ITGB3BP: variants seen among roughly 807,000 people sequenced by gnomAD.
The protein encoded by ITGB3BP is centromere protein R.
In ITGB3BP, 27 loss-of-function variants were observed where a neutral mutation model predicts 29.1. The ratio of observed to expected loss-of-function variants is 0.93; its 90% confidence interval spans 0.68 to 1.28. The LOEUF (loss-of-function observed/expected upper bound fraction) is 1.28, where lower values mean the gene tolerates loss of function less well. Ranked by LOEUF, ITGB3BP falls within the 50% of genes most tolerant of loss-of-function variation. ITGB3BP has a pLI of 0.00. For missense variants in ITGB3BP, 192 were observed against 200.2 expected (o/e 0.96, Z 0.25); for synonymous variants, 61 against 61.4 (o/e 0.99, Z 0.03).
intron 7 of ITGB3BP, chr1:63,447,866 A>G (rs1270651004): frequency 3.4e-6 from 1 of 292,420 alleles, no homozygotes; most frequent in African/African-American, 2.2e-5. Flanking sequence ...GCTGCTATAA[A>G]GACACATGCA....
intron 1 of ITGB3BP, among the ~76,000 whole-genome samples, chr1:63,512,581 G>A (rs1226803460): frequency 2.0e-5 from 3 of 152,090 alleles, no homozygotes. Flanking sequence ...ACTTAGTAAA[G>A]CAGTTAAGAC....
intron 1 of ITGB3BP, among the ~76,000 whole-genome samples, chr1:63,519,462 C>T (rs1353467101): frequency 1.3e-5 from 2 of 152,034 alleles, no homozygotes; most frequent in African/African-American, 2.4e-5. Flanking sequence ...AGAGCCACCA[C>T]GCTCAGCCAA....
chr1:63,491,291 C>T (rs796993370), intron 2 of ITGB3BP, among the ~76,000 whole-genome samples: 11 of 152,250 alleles, frequency 7.2e-5, no homozygotes, highest in African/African-American at 2.6e-4. Flanking sequence ...AGAAATATAA[C>T]AAATTGCTCT....
chr1:63,511,379 A>G (rs1460528414), intron 1 of ITGB3BP, among the ~76,000 whole-genome samples: 1 of 152,202 alleles, frequency 6.6e-6, no homozygotes. Flanking sequence ...TATGGAAAAC[A>G]GTATGGCAGT....
intron 3 of ITGB3BP, among the ~76,000 whole-genome samples, chr1:63,484,957 A>G (rs551826349): frequency 6.6e-6 from 1 of 152,114 alleles, no homozygotes; most frequent in Admixed American, 6.5e-5. Flanking sequence ...TCTCTTATGT[A>G]AAGAGCCTCA....
At chr1:63,495,232 T>C (rs1645758186) in intron 2 of ITGB3BP, among the ~76,000 whole-genome samples, 1 of 152,230 alleles carries the variant, frequency 6.6e-6, no homozygotes, top group Admixed American at 6.5e-5. Context: ...TCTAGATGGT[T>C]ACCATTTATT....
upstream of ITGB3BP, chr1:63,523,374 A>G (rs913050554): frequency 3.4e-6 from 2 of 590,668 alleles, no homozygotes; most frequent in Non-Finnish European, 6.0e-6. Flanking sequence ...GGTGTAACAG[A>G]GCACCTTCTC....
intron 2 of ITGB3BP, among the ~76,000 whole-genome samples, chr1:63,499,340 G>A (rs1186793361): frequency 6.6e-6 from 1 of 151,808 alleles, no homozygotes; most frequent in African/African-American, 2.4e-5. Context: ...AGTAGAGAAG[G>A]GGGTTTCTCC....
chr1:63,452,719 TTA>T (rs1644879564), intron 7 of ITGB3BP, among the ~76,000 whole-genome samples: 1 of 152,082 alleles, frequency 6.6e-6, no homozygotes, highest in Non-Finnish European at 1.5e-5. Context: ...ACAGTAGACG[TTA>T]GTTGTTCAAC....
chr1:63,449,220 A>G (rs1644829752), intron 7 of ITGB3BP: 1 of 152,546 alleles, frequency 6.6e-6, no homozygotes, highest in African/African-American at 2.4e-5. Flanking sequence ...AGAGAAAACC[A>G]GTCAGAATTA....
At chr1:63,502,135 C>A (rs797020861) in intron 2 of ITGB3BP, among the ~76,000 whole-genome samples, 1 of 152,104 alleles carries the variant, frequency 6.6e-6, no homozygotes, top group Non-Finnish European at 1.5e-5. Context: ...GGACTGCCAT[C>A]GGCAACAGTT....
At chr1:63,467,826 C>T (rs1281154153) in intron 4 of ITGB3BP, among the ~76,000 whole-genome samples, 1 of 152,166 alleles carries the variant, frequency 6.6e-6, no homozygotes, top group Non-Finnish European at 1.5e-5. Context: ...TTACCCAACC[C>T]AAATGTCAAC....
At chr1:63,519,995 A>C (rs1465169107) in intron 1 of ITGB3BP, among the ~76,000 whole-genome samples, 2 of 152,128 alleles carry the variant, frequency 1.3e-5, no homozygotes, top group Non-Finnish European at 2.9e-5. Context: ...GAACAGAATA[A>C]AGTTAACTCT....
chr1:63,489,837 C>A (rs1000423529), intron 3 of ITGB3BP, among the ~76,000 whole-genome samples: 1 of 151,952 alleles, frequency 6.6e-6, no homozygotes, highest in East Asian at 1.9e-4. Flanking sequence ...TAGCTGAAGG[C>A]AAGTCAGGCC....
chr1:63,457,125 CG>C (rs1570138213), intron 4 of ITGB3BP: 1 of 152,094 alleles, frequency 6.6e-6, no homozygotes, highest in East Asian at 1.9e-4. Flanking sequence ...TCTCCCTAGA[CG>C]AAATCACCTT....
chr1:63,501,689 TA>T (rs796621855), intron 2 of ITGB3BP, among the ~76,000 whole-genome samples: 10 of 146,806 alleles, frequency 6.8e-5, no homozygotes, highest in Non-Finnish European at 7.5e-5. Flanking sequence ...ATGGCAAAAC[TA>T]AAAAAAAAAT....
chr1:63,510,183 T>G, intron 1 of ITGB3BP: 1 of 504,918 alleles, frequency 2.0e-6, no homozygotes, highest in Non-Finnish European at 3.6e-6. Flanking sequence ...GGAGCAAAAC[T>G]GTCTCAAAAA....
intron 4 of ITGB3BP, among the ~76,000 whole-genome samples, chr1:63,470,897 C>A (rs1283992808): frequency 6.6e-6 from 1 of 151,894 alleles, no homozygotes; most frequent in Non-Finnish European, 1.5e-5. Flanking sequence ...TCCAGTTGTT[C>A]CACATTCTCA....
intron 1 of ITGB3BP, among the ~76,000 whole-genome samples, chr1:63,510,688 A>G (rs573060963): frequency 3.3e-5 from 5 of 152,282 alleles, no homozygotes; most frequent in East Asian, 1.9e-4. Flanking sequence ...CAACTTGCCT[A>G]TTGTCACACA....
Sources: gnomAD v4.1 joint callset for allele counts (sites outside exome capture counted in the v4.1 genomes callset) on GRCh38, gnomAD v4.1.1 for gene constraint, MANE v1.5 for transcripts, NCBI Gene and HGNC (gene_info 2026-07-23, HGNC 2026-07-21) for gene names.